Variants in SERGEF observed in about 807,000 individuals in gnomAD.
SERGEF encodes the protein secretion regulating guanine nucleotide exchange factor.
A neutral mutation model predicts 50.0 loss-of-function variants in SERGEF; 51 were observed. That is an observed-to-expected ratio of 1.02 (90% CI 0.81 to 1.29). SERGEF has a LOEUF of 1.29. Ranked by LOEUF, SERGEF falls within the 50% of genes most tolerant of loss-of-function variation. The pLI is 0.00. For synonymous variants in SERGEF, 205 were observed against 212.4 expected, an observed-to-expected ratio of 0.97 and a Z score of 0.30; for missense variants, 521 against 557.0, an observed-to-expected ratio of 0.94 and a Z score of 0.65.
rs1853713568 is a variant in SERGEF at position 17,991,696 on chromosome 11, A to C, written c.685+1235T>G. Among the ~76,000 whole-genome samples, 1 of 152,232 alleles carries C rather than the reference A, an allele frequency of 6.6e-6. No individual in the cohort carries two copies. Among genetic ancestry groups the C allele is most frequent in the Non-Finnish European group, 1.5e-5 (1 of 68,042 alleles). ...ATTAGATGTTTGTTTTAAATTCATTAAATGACAAATTATCTGCAGCTCAGA... is the reference window on the plus strand; with the variant it reads ...ATTAGATGTTTGTTTTAAATTCATTCAATGACAAATTATCTGCAGCTCAGA... On this transcript the variant is annotated intron_variant, in intron 7 of 10. Transcript: ENST00000265965. The surrounding 1 kb of genome is among the most constrained non-coding windows in gnomAD (Gnocchi z 4.9).
At chr11:17,891,912 T>G (rs1180534463) in intron 9 of SERGEF, among the ~76,000 whole-genome samples, 3 of 152,244 alleles carry the variant, frequency 2.0e-5, no homozygotes, top group Non-Finnish European at 4.4e-5. Context: ...GCCACCACCT[T>G]CTTTGGTCTC....
chr11:17,988,480 A>G, intron 8 of SERGEF, 117 bp downstream of exon 8: 1 of 938,496 alleles, frequency 1.1e-6, no homozygotes, highest in Non-Finnish European at 1.6e-6. Flanking sequence ...CAGTATCCCC[A>G]TCTCTGATCT....
intron 8 of SERGEF, among the ~76,000 whole-genome samples, chr11:17,972,499 C>T (rs1853269360): frequency 6.6e-6 from 1 of 152,108 alleles, no homozygotes; most frequent in African/African-American, 2.4e-5. Context: ...CATTTTTTAG[C>T]CATAAAATAT....
intron 9 of SERGEF, among the ~76,000 whole-genome samples, chr11:17,915,119 G>C (rs1852024854): frequency 6.6e-6 from 1 of 151,980 alleles, no homozygotes; most frequent in African/African-American, 2.4e-5. Context: ...TGCATAAATA[G>C]GTGCTCAATA....
At chr11:17,902,888 TCTAAG>T in intron 9 of SERGEF, among the ~76,000 whole-genome samples, 1 of 152,310 alleles carries the variant, frequency 6.6e-6, no homozygotes, top group Non-Finnish European at 1.5e-5. Context: ...GGAAATGACT[TCTAAG>T]CTGTCTTTCC....
At chr11:17,859,665 G>C (rs973524211) in intron 10 of SERGEF, among the ~76,000 whole-genome samples, 5 of 151,866 alleles carry the variant, frequency 3.3e-5, no homozygotes, top group Non-Finnish European at 7.4e-5. Flanking sequence ...GAAGTAAAGA[G>C]AAGTTCCTAA....
intron 9 of SERGEF, among the ~76,000 whole-genome samples, chr11:17,946,708 T>C (rs412261): frequency 0.99 from 151,310 of 152,366 alleles, 75,199 homozygotes; most frequent in Non-Finnish European, 1. Flanking sequence ...CGCCTCTGTG[T>C]TCTCACCCTA....
At chr11:17,929,478 C>G (rs527277751) in intron 9 of SERGEF, among the ~76,000 whole-genome samples, 1 of 152,268 alleles carries the variant, frequency 6.6e-6, no homozygotes, top group Admixed American at 6.5e-5. Flanking sequence ...ACAAGAGGAG[C>G]TGGAGGAAAA....
At chr11:17,860,793 A>G (rs1850912346) in intron 10 of SERGEF, among the ~76,000 whole-genome samples, 1 of 152,212 alleles carries the variant, frequency 6.6e-6, no homozygotes, top group South Asian at 2.1e-4. Context: ...ACAGGGTTAT[A>G]TGTTAAGAAT....
At chr11:17,868,288 A>G (rs1295707378) in intron 10 of SERGEF, among the ~76,000 whole-genome samples, 1 of 152,106 alleles carries the variant, frequency 6.6e-6, no homozygotes, top group African/African-American at 2.4e-5. Flanking sequence ...ACCCTAAATC[A>G]TTTCTCTCAA....
chr11:17,952,538 T>G (rs1278682137), intron 9 of SERGEF, among the ~76,000 whole-genome samples: 1 of 152,190 alleles, frequency 6.6e-6, no homozygotes, highest in Non-Finnish European at 1.5e-5. Flanking sequence ...GCAACTTTAC[T>G]CACTCAGTTT....
At chr11:17,946,899 C>T (rs1590212391) in intron 9 of SERGEF, among the ~76,000 whole-genome samples, 1 of 152,166 alleles carries the variant, frequency 6.6e-6, no homozygotes, top group East Asian at 1.9e-4. Flanking sequence ...CTCTCCAAGC[C>T]TGCTTCAGAG....
chr11:17,913,066 AACAG>A (rs1851983440), intron 9 of SERGEF, among the ~76,000 whole-genome samples: 2 of 152,238 alleles, frequency 1.3e-5, no homozygotes, highest in African/African-American at 4.8e-5. Context: ...GCCCTGGCTA[AACAG>A]ACAGAGGGAA....
chr11:17,974,841 T>A (rs554460424), intron 8 of SERGEF, among the ~76,000 whole-genome samples: 1 of 152,268 alleles, frequency 6.6e-6, no homozygotes, highest in African/African-American at 2.4e-5. Context: ...TGCTGTAACG[T>A]TTTAAAGTTT....
chr11:18,007,050 T>C (rs1854089020), intron 2 of SERGEF, among the ~76,000 whole-genome samples: 1 of 152,236 alleles, frequency 6.6e-6, no homozygotes, highest in Non-Finnish European at 1.5e-5. Context: ...CAGGTACTGT[T>C]TTAAGAGCTT....
chr11:17,789,596 A>G (rs1369868874), intron 10 of SERGEF, among the ~76,000 whole-genome samples: 1 of 152,208 alleles, frequency 6.6e-6, no homozygotes, highest in Non-Finnish European at 1.5e-5. Flanking sequence ...TCTGGACATA[A>G]AAATAATACA....
chr11:17,935,545 G>A (rs1399034642), intron 9 of SERGEF, among the ~76,000 whole-genome samples: 2 of 152,108 alleles, frequency 1.3e-5, no homozygotes. Context: ...GAACCTTAGA[G>A]AACCAATGAT....
chr11:17,970,419 C>T (rs930025262), intron 8 of SERGEF, among the ~76,000 whole-genome samples: 3 of 152,162 alleles, frequency 2.0e-5, no homozygotes, highest in Admixed American at 6.5e-5. Context: ...TCTCCCTCTC[C>T]TCAGGCCTCC....
chr11:17,814,229 A>G (rs1451976342), intron 10 of SERGEF, among the ~76,000 whole-genome samples: 1 of 152,202 alleles, frequency 6.6e-6, no homozygotes, highest in Non-Finnish European at 1.5e-5. Context: ...ATTACAGTGA[A>G]TTGATTTTAA....
Sources: allele counts gnomAD v4.1 joint callset (sites outside exome capture counted in the v4.1 genomes callset), GRCh38; gene constraint gnomAD v4.1.1; non-coding constraint Gnocchi (gnomAD v3.1); transcripts MANE v1.5; gene names NCBI Gene and HGNC (gene_info 2026-07-23, HGNC 2026-07-21).